Variants in RNF130 observed in about 807,000 individuals in gnomAD.
RNF130 encodes E3 ubiquitin-protein ligase RNF130.
Under a neutral mutation model 44.6 loss-of-function variants are expected in RNF130, and 21 were observed. That is an observed-to-expected ratio of 0.47 (90% CI 0.33 to 0.68). The LOEUF is 0.68. Among genes scored for constraint, RNF130 ranks in the 30% least tolerant of loss-of-function variants. RNF130 has a pLI of 0.02. For synonymous variants in RNF130, 214 were observed against 210.4 expected (o/e 1.02, Z -0.15); for missense variants, 479 against 560.6 (o/e 0.85, Z 1.47).
intron 2 of RNF130, among the ~76,000 whole-genome samples, chr5:180,019,231 A>C (rs1354668320): frequency 6.6e-6 from 1 of 151,842 alleles, no homozygotes; most frequent in Non-Finnish European, 1.5e-5. Flanking sequence ...AAAAATACAA[A>C]AAATTAGCCG....
chr5:179,978,043 T>C (rs1359862039), intron 5 of RNF130, among the ~76,000 whole-genome samples, 160 bp downstream of exon 5: 1 of 152,206 alleles, frequency 6.6e-6, no homozygotes, highest in Non-Finnish European at 1.5e-5. Context: ...CACCACTCCC[T>C]GCTGGCCTCA....
Position 180,060,315 on chromosome 5 carries a change from T to C in RNF130, c.247+11141A>G, listed in dbSNP as rs546086305. ...AAACTAACACACCAAGGCTAAGCCA[T>C]GAAAGATTCACTTCTTTTCCTTCCG... is the stretch of plus-strand genomic sequence containing the variant. On this transcript the variant is annotated intron_variant, in intron 1 of 8. Transcript: ENST00000521389. 2.0e-4 allele frequency among the ~76,000 whole-genome samples: 31 copies of C among 152,344 alleles called. 1 individual carries two copies. The South Asian group carries it at 4.6e-3, about 22-fold the overall frequency.
chr5:180,004,386 C>A (rs930273368), intron 3 of RNF130, among the ~76,000 whole-genome samples: 16 of 152,192 alleles, frequency 1.1e-4, no homozygotes, highest in Non-Finnish European at 2.1e-4. Context: ...AGAAAGGCAT[C>A]ATTTTACAAA....
chr5:180,028,242 A>C (rs147474022), intron 2 of RNF130, among the ~76,000 whole-genome samples: 1 of 152,264 alleles, frequency 6.6e-6, no homozygotes, highest in East Asian at 1.9e-4. Context: ...TCCCACAGTC[A>C]TGACTTCGTA....
chr5:179,997,598 G>T (rs1329478875), intron 3 of RNF130, among the ~76,000 whole-genome samples: 2 of 152,018 alleles, frequency 1.3e-5, no homozygotes, highest in East Asian at 3.9e-4. Context: ...AAAGTGCTGG[G>T]ATTACAGGTG....
chr5:179,943,891 T>A (rs1761997651), intron 7 of RNF130, among the ~76,000 whole-genome samples: 1 of 152,200 alleles, frequency 6.6e-6, no homozygotes, highest in South Asian at 2.1e-4. Flanking sequence ...TCTAAGGCAA[T>A]AGAAATGTAA....
chr5:179,930,807 G>A (rs1228128001), intron 7 of RNF130, among the ~76,000 whole-genome samples: 2 of 152,096 alleles, frequency 1.3e-5, no homozygotes, highest in African/African-American at 4.8e-5. Context: ...GGGAGGCCAA[G>A]GTGGGTGGAT....
chr5:180,022,930 T>C (rs937896220), intron 2 of RNF130, among the ~76,000 whole-genome samples: 2 of 152,138 alleles, frequency 1.3e-5, no homozygotes, highest in Non-Finnish European at 2.9e-5. Context: ...CCAAGGGAGA[T>C]TCAGGTTGGG....
At chr5:180,036,323 G>T (rs771517110) in intron 2 of RNF130, among the ~76,000 whole-genome samples, 1 of 151,956 alleles carries the variant, frequency 6.6e-6, no homozygotes, top group African/African-American at 2.4e-5. Context: ...AATAAGACTG[G>T]TTTCCTAGGA....
intron 7 of RNF130, among the ~76,000 whole-genome samples, chr5:179,940,323 C>A (rs993153756): frequency 6.6e-6 from 1 of 151,822 alleles, no homozygotes; most frequent in South Asian, 2.1e-4. Context: ...CAGGTTCAAG[C>A]GGTTCTCCTG....
chr5:179,927,083 A>C (rs1168229008), intron 7 of RNF130, among the ~76,000 whole-genome samples: 2 of 152,220 alleles, frequency 1.3e-5, no homozygotes, highest in African/African-American at 4.8e-5. Context: ...GAAATGACCG[A>C]ATCTTTTTTG....
In RNF130 at chr5:180,015,411, T is replaced by C. The variant is rs377405214; in HGVS notation, c.443-2100A>G. 3.4e-4 allele frequency: 174 copies of C among 516,136 alleles called. 1 individual carries two copies. Among genetic ancestry groups the C allele is most frequent in the South Asian group, 9.2e-4 (64 of 69,920 alleles). 32.0% of individuals were successfully genotyped at this position (516,136 alleles called of 1,614,324 possible). A position where few individuals can be genotyped will look rare whatever the true frequency, so the allele number is the denominator to read the frequency against. On this transcript the variant is annotated intron_variant, in intron 2 of 8. Transcript: ENST00000521389. ...CACCAGGTACAAACGGTTTTAGAAA[T>C]CAGTTGAGGCTCCCTCTTGAAGACT...
At chr5:180,010,602 C>A (rs1763571028) in intron 3 of RNF130, among the ~76,000 whole-genome samples, 1 of 152,128 alleles carries the variant, frequency 6.6e-6, no homozygotes. Flanking sequence ...TCAAGTGATC[C>A]ACCTGCCTTG....
intron 7 of RNF130, among the ~76,000 whole-genome samples, chr5:179,935,888 C>G (rs1232559384): frequency 6.6e-6 from 1 of 152,044 alleles, no homozygotes; most frequent in African/African-American, 2.4e-5. Flanking sequence ...CATGTTAGAG[C>G]AGTTTTACCT....
chr5:180,031,847 G>A (rs55734821), intron 2 of RNF130, among the ~76,000 whole-genome samples: 80,304 of 152,012 alleles, frequency 0.53, 22,297 homozygotes, highest in South Asian at 0.72. Context: ...CAAACTGGTT[G>A]TACCATTTCA....
At chr5:179,937,159 TATC>T (rs1383073505) in intron 7 of RNF130, among the ~76,000 whole-genome samples, 3 of 152,250 alleles carry the variant, frequency 2.0e-5, no homozygotes, top group East Asian at 3.9e-4. Context: ...CAAAACGAAA[TATC>T]ATCAAAACGA....
In RNF130 at chr5:180,041,234, T is replaced by C. The variant is rs75552254; in HGVS notation, c.248-587A>G. Among the ~76,000 whole-genome samples the C allele has an allele frequency of 9.8e-3, 1,490 of 152,306 alleles. 25 individuals carry two copies. Among genetic ancestry groups the C allele is most frequent in the African/African-American group, 0.034 (1,426 of 41,540 alleles). On this transcript the variant is annotated intron_variant, in intron 1 of 8. Transcript: ENST00000521389. ...TTTGGTTTTGGCTTATATTTGAAAG[T>C]TGAAGTAGTTAAAATAACATCTAAG...
intron 1 of RNF130, among the ~76,000 whole-genome samples, chr5:180,071,234 C>G (rs1191201510): frequency 6.6e-6 from 1 of 152,246 alleles, no homozygotes; most frequent in Non-Finnish European, 1.5e-5. Flanking sequence ...GATGACCGTT[C>G]CAAGTCTTTT....
chr5:180,023,222 T>G (rs759259611), intron 2 of RNF130, among the ~76,000 whole-genome samples: 2 of 152,192 alleles, frequency 1.3e-5, no homozygotes, highest in African/African-American at 4.8e-5. Context: ...TGATTACAGA[T>G]AGAAATATTT....
Sources: allele counts gnomAD v4.1 joint callset (sites outside exome capture counted in the v4.1 genomes callset), GRCh38; gene constraint gnomAD v4.1.1; transcripts MANE v1.5; gene names NCBI Gene and HGNC (gene_info 2026-07-23, HGNC 2026-07-21).